Variants in RALGAPA1 observed in about 807,000 individuals in gnomAD.
RALGAPA1 encodes Ral GTPase activating protein catalytic subunit alpha 1.
In RALGAPA1, 52 loss-of-function variants were observed where a neutral mutation model predicts 269.6. The observed-to-expected ratio is 0.19, with a 90% CI of 0.15 to 0.24. The LOEUF (loss-of-function observed/expected upper bound fraction) is 0.24, where lower values mean the gene tolerates loss of function less well. Among genes scored for constraint, RALGAPA1 ranks in the 10% least tolerant of loss-of-function variants. The pLI is 1.00. For synonymous variants in RALGAPA1, 817 were observed against 1,008.3 expected (o/e 0.81, Z 3.60); for missense variants, 1,917 against 3,013.9 (o/e 0.64, Z 8.52).
chr14:35,714,748 AT>A (rs955379727), intron 16 of RALGAPA1, among the ~76,000 whole-genome samples: 7 of 151,742 alleles, frequency 4.6e-5, no homozygotes, highest in African/African-American at 1.7e-4. Flanking sequence ...TTCTGGGGTA[AT>A]TTTTTTTCCT....
intron 16 of RALGAPA1, among the ~76,000 whole-genome samples, chr14:35,700,617 G>T (rs995819619): frequency 8.5e-5 from 13 of 152,114 alleles, no homozygotes; most frequent in Non-Finnish European, 1.8e-4. Context: ...CAAGGGTTGA[G>T]AAATTCACTG....
chr14:35,604,377 G>GA (rs573900908), intron 36 of RALGAPA1, among the ~76,000 whole-genome samples: 44 of 151,728 alleles, frequency 2.9e-4, no homozygotes, highest in African/African-American at 8.9e-4. Flanking sequence ...ACGATATCTA[G>GA]AAAAAACTCA....
chr14:35,637,423 G>A (rs918255381), intron 31 of RALGAPA1, among the ~76,000 whole-genome samples: 7 of 152,184 alleles, frequency 4.6e-5, no homozygotes. Flanking sequence ...AATGCAACTA[G>A]TGTACTGAAG....
chr14:35,691,967 T>C (rs1379574392), intron 17 of RALGAPA1, among the ~76,000 whole-genome samples: 2 of 152,156 alleles, frequency 1.3e-5, no homozygotes, highest in Non-Finnish European at 2.9e-5. Context: ...AACATTTCCT[T>C]ACAAACTTCA....
chr14:35,584,179 C>A (rs746585239), intron 37 of RALGAPA1, among the ~76,000 whole-genome samples: 1 of 151,604 alleles, frequency 6.6e-6, no homozygotes. Context: ...CTAAAACAAG[C>A]GAAATGAATG....
At chr14:35,805,275 A>G (rs891114153) in intron 1 of RALGAPA1, among the ~76,000 whole-genome samples, 1 of 147,402 alleles carries the variant, frequency 6.8e-6, no homozygotes, top group African/African-American at 2.5e-5. Context: ...ATACAAAAGA[A>G]AAAAAAAAAA....
At position 35,735,288 on chromosome 14, in the gene RALGAPA1, C is replaced by T. The variant is rs530750173; in HGVS notation, c.1587+3225G>A. Among the ~76,000 whole-genome samples the T allele has an allele frequency of 1.3e-3, 197 of 152,250 alleles. 4 individuals carry two copies. In the Middle Eastern group the frequency reaches 0.014, roughly 11 times the overall value. On this transcript the variant is annotated intron_variant, in intron 12 of 41. Transcript: ENST00000680220. Reference sequence around the variant, plus strand: ...ACGTTTATAGCAGCACAACTTGCAACTGCAAATTGTGGTACCAACCCAAAT... The same window carrying T: ...ACGTTTATAGCAGCACAACTTGCAATTGCAAATTGTGGTACCAACCCAAAT...
At chr14:35,656,042 C>T in intron 28 of RALGAPA1, 127 bp from the exon 29 acceptor site, 6 of 1,485,212 alleles carry the variant, frequency 4.0e-6, no homozygotes, top group Non-Finnish European at 5.4e-6. Context: ...TTACTCTATA[C>T]ATTAACTGGT....
intron 36 of RALGAPA1, among the ~76,000 whole-genome samples, chr14:35,597,350 A>C (rs1467317148): frequency 6.6e-6 from 1 of 152,146 alleles, no homozygotes; most frequent in East Asian, 1.9e-4. Flanking sequence ...ATAGGTGACA[A>C]ATGGTATCTC....
At chr14:35,781,640 T>TA (rs2075440661) in intron 1 of RALGAPA1, among the ~76,000 whole-genome samples, 1 of 151,934 alleles carries the variant, frequency 6.6e-6, no homozygotes, top group Non-Finnish European at 1.5e-5. Flanking sequence ...TCACTATGAC[T>TA]AAGTGACATT....
chr14:35,640,112 T>A (rs2061928099), intron 31 of RALGAPA1, among the ~76,000 whole-genome samples: 1 of 151,948 alleles, frequency 6.6e-6, no homozygotes, highest in Admixed American at 6.6e-5. Flanking sequence ...TTTATAGCTA[T>A]AAGCACCTAC....
rs1005234297 is a variant in RALGAPA1, at chr14:35,771,134, C to T, written c.268-135G>A. 4 of 367,332 alleles carry T rather than the reference C, an allele frequency of 1.1e-5. No individual in the cohort carries two copies. The Middle Eastern group carries it at 2.3e-3, about 207-fold the overall frequency. The allele number at this position is 367,332 out of a possible 1,614,324, so 22.8% of individuals were successfully genotyped here. A position where few individuals can be genotyped will look rare whatever the true frequency, so the allele number is the denominator to read the frequency against. On this transcript the variant is annotated intron_variant, in intron 3 of 41. Coordinates refer to ENST00000680220, the MANE Select transcript of RALGAPA1 (RefSeq NM_001346249.2). ...ATAGGCCGGGCACGGTGGCTCACAC[C>T]TGTAATCCTAGCGCTTTGGGAAGCT... is the stretch of plus-strand genomic sequence containing the variant.
intron 21 of RALGAPA1, among the ~76,000 whole-genome samples, chr14:35,682,373 T>C (rs1422570258): frequency 6.6e-6 from 1 of 151,990 alleles, no homozygotes; most frequent in Non-Finnish European, 1.5e-5. Context: ...TGATCTTGGC[T>C]CACTGCAAGC....
intron 39 of RALGAPA1, among the ~76,000 whole-genome samples, chr14:35,569,242 T>C (rs1430957136): frequency 6.6e-6 from 1 of 152,218 alleles, no homozygotes; most frequent in African/African-American, 2.4e-5. Flanking sequence ...GAACATAAGA[T>C]ATTTTTAAAA....
intron 12 of RALGAPA1, among the ~76,000 whole-genome samples, chr14:35,729,571 T>TGGAG (rs1213362533): frequency 5.3e-5 from 8 of 151,944 alleles, no homozygotes; most frequent in Admixed American, 3.3e-4. Flanking sequence ...AAAAGACAAA[T>TGGAG]GGAGCTACGT....
At chr14:35,675,879 G>A (rs1029435903) in intron 22 of RALGAPA1, among the ~76,000 whole-genome samples, 3 of 152,058 alleles carry the variant, frequency 2.0e-5, no homozygotes, top group South Asian at 4.2e-4. Context: ...CCAACATATT[G>A]AGAATTTATA....
chr14:35,751,753 C>T lies in RALGAPA1; in HGVS notation c.802+271G>A, dbSNP rs1359787959. Among the ~76,000 whole-genome samples the T allele has an allele frequency of 8.6e-5, 13 of 151,560 alleles. No homozygotes were observed. The East Asian group carries it at 2.1e-3, about 25-fold the overall frequency. On this transcript the variant is annotated intron_variant, in intron 8 of 41. Transcript: ENST00000680220. Reference sequence around the variant, plus strand: ...CTATAATTATGCCATTGCACTCCAGCCTCCTGGGTGACAGAGTGAGTCCCT... The same window carrying T: ...CTATAATTATGCCATTGCACTCCAGTCTCCTGGGTGACAGAGTGAGTCCCT...
chr14:35,723,285 A>C, intron 14 of RALGAPA1, 21 bp from the exon 15 acceptor site: 3 of 1,375,128 alleles, frequency 2.2e-6, no homozygotes, highest in Middle Eastern at 1.8e-4. Flanking sequence ...AAATATCAGA[A>C]ATAACAATAA....
At chr14:35,696,297 C>T (rs1280055605) in intron 17 of RALGAPA1, among the ~76,000 whole-genome samples, 3 of 152,076 alleles carry the variant, frequency 2.0e-5, no homozygotes, top group Admixed American at 2.0e-4. Context: ...GCCTATGATC[C>T]CAGCTACATG....
Sources: allele counts gnomAD v4.1 joint callset (sites outside exome capture counted in the v4.1 genomes callset), GRCh38; gene constraint gnomAD v4.1.1; transcripts MANE v1.5; gene names NCBI Gene and HGNC (gene_info 2026-07-23, HGNC 2026-07-21).